The following NAV2 variants were observed in gnomAD, a reference collection of about 807,000 sequenced individuals.
NAV2 encodes the protein neuron navigator 2.
In NAV2, 54 loss-of-function variants were observed where a neutral mutation model predicts 223.2. The observed-to-expected ratio is 0.24, with a 90% CI of 0.19 to 0.30. The LOEUF is 0.30. Among genes scored for constraint, NAV2 ranks in the 10% least tolerant of loss-of-function variants. The pLI, the probability that NAV2 is intolerant of heterozygous loss-of-function variation, is 1.00. For synonymous variants in NAV2, 1,279 were observed against 1,239.3 expected, an observed-to-expected ratio of 1.03 and a Z score of -0.67; for missense variants, 2,806 against 3,147.5, an observed-to-expected ratio of 0.89 and a Z score of 2.60.
chr11:19,760,842 A>G (rs2054679977), intron 1 of NAV2, among the ~76,000 whole-genome samples: 1 of 152,188 alleles, frequency 6.6e-6, no homozygotes. Flanking sequence ...AATCAGCAGC[A>G]CAAGCAATAT....
intron 10 of NAV2, among the ~76,000 whole-genome samples, chr11:19,976,475 C>T (rs1426288809): frequency 6.6e-6 from 1 of 152,148 alleles, no homozygotes; most frequent in African/African-American, 2.4e-5. Context: ...GGCAGGGGGC[C>T]CCTGGGACCT....
At chr11:20,042,938 A>ACTTCGGTCCC (rs1227566390) in intron 12 of NAV2, among the ~76,000 whole-genome samples, 1 of 152,010 alleles carries the variant, frequency 6.6e-6, no homozygotes, top group Non-Finnish European at 1.5e-5. Context: ...TTAACGTCAC[A>ACTTCGGTCCC]CTTCGGTCCC....
chr11:19,776,741 A>C (rs925293831), intron 1 of NAV2, among the ~76,000 whole-genome samples: 1 of 148,508 alleles, frequency 6.7e-6, no homozygotes, highest in African/African-American at 2.5e-5. Flanking sequence ...CTCCAGGGGG[A>C]GGCGGCTCTG....
At position 19,475,554 on chromosome 11, in the gene NAV2, A is replaced by G. The variant is rs190680094; in HGVS notation, c.75+124527A>G. Reference sequence around the variant, plus strand: ...CATTAGCTCAAACCTGGCAATATTTATGTTGAACACTGCTGTTTGTGGAGC... The same window carrying G: ...CATTAGCTCAAACCTGGCAATATTTGTGTTGAACACTGCTGTTTGTGGAGC... On this transcript the variant is annotated intron_variant, in intron 1 of 37. Transcript: ENST00000360655. Among the ~76,000 whole-genome samples the G allele has an allele frequency of 2.4e-3, 369 of 152,288 alleles. 1 individual carries two copies. Among genetic ancestry groups the G allele is most frequent in the African/African-American group, 8.2e-3 (339 of 41,554 alleles).
chr11:19,889,739 C>T (rs1025554807), intron 5 of NAV2, among the ~76,000 whole-genome samples: 2 of 152,204 alleles, frequency 1.3e-5, no homozygotes, highest in Non-Finnish European at 1.5e-5. Context: ...TCCCAAACCA[C>T]GGATGTTTCA....
intron 1 of NAV2, among the ~76,000 whole-genome samples, chr11:19,825,047 C>T (rs1178385684): frequency 1.3e-5 from 2 of 152,060 alleles, no homozygotes; most frequent in African/African-American, 4.8e-5. Context: ...AATCCCAGCA[C>T]TTTGGGAGGC....
rs975527878 is a variant in NAV2 at position 20,097,887 on chromosome 11, T to C, written c.6181+142T>C. ...TCTCCCTTCTACCACAGTTACTCTATGCAAGTTGAACCGTCTTTTGCTTTT... is the reference window on the plus strand; with the variant it reads ...TCTCCCTTCTACCACAGTTACTCTACGCAAGTTGAACCGTCTTTTGCTTTT... On this transcript the variant is annotated intron_variant, in intron 31 of 37. Coordinates refer to ENST00000349880, the MANE Select transcript of NAV2 (RefSeq NM_145117.5). 14 of 697,684 alleles carry C rather than the reference T, an allele frequency of 2.0e-5. No individual in the cohort carries two copies. In the Admixed American group the frequency reaches 3.7e-4, roughly 19 times the overall value. 43.2% of individuals were successfully genotyped at this position (697,684 alleles called of 1,614,324 possible).
intron 11 of NAV2, among the ~76,000 whole-genome samples, chr11:19,999,888 C>G (rs1029650754): frequency 6.6e-6 from 1 of 152,152 alleles, no homozygotes. Context: ...GATCAGAATG[C>G]TGATTTCACA....
At chr11:19,868,807 T>C (rs926344866) in intron 3 of NAV2, 118 bp from the exon 4 acceptor site, 2 of 870,704 alleles carry the variant, frequency 2.3e-6, no homozygotes, top group Admixed American at 2.2e-5. Context: ...GTGTCCTATC[T>C]TGGCGTTCGT....
chr11:19,719,110 G>A (rs12286036), intron 1 of NAV2, among the ~76,000 whole-genome samples: 10,964 of 152,144 alleles, frequency 0.072, 1,157 homozygotes, highest in African/African-American at 0.24. Context: ...GGCCCCAGTG[G>A]AACTCTTGGA....
chr11:20,097,640 T>A lies in NAV2; in HGVS notation c.6076T>A (p.Tyr2026Asn). 6.2e-7 allele frequency: 1 copy of A among 1,613,682 alleles called. No homozygotes were observed. The highest frequency in any genetic ancestry group is 8.5e-7 in the Non-Finnish European group (1 of 1,179,926). The change falls in exon 31 of 38, where the codon TAC (tyrosine) becomes AAC (asparagine). Residue 2026 changes from tyrosine (Y) to asparagine (N), a missense_variant. Physicochemically the swap from Tyr to Asn is moderately radical, Grantham distance 143. This residue lies in a region of NAV2 where 824 missense variants were observed against 1,069.4 expected (regional missense o/e 0.77). Transcript: ENST00000349880. Reference sequence around the variant, plus strand: ...GCTGAATTCAGACAGCGTTCTTGGCTACAGCATTGGAGAAATCAAGCGCAG... The same window carrying A: ...GCTGAATTCAGACAGCGTTCTTGGCAACAGCATTGGAGAAATCAAGCGCAG... ...LGLNSDSVLG[Y>N]SIGEIKRSNT...
intron 1 of NAV2, among the ~76,000 whole-genome samples, chr11:19,527,300 C>A (rs182628864): frequency 2.3e-4 from 35 of 152,226 alleles, no homozygotes; most frequent in East Asian, 1.2e-3. Context: ...TAAGATGTAC[C>A]TTTTGCCTTC....
chr11:19,686,822 G>C (rs2049036956), intron 1 of NAV2, among the ~76,000 whole-genome samples: 1 of 152,162 alleles, frequency 6.6e-6, no homozygotes, highest in Non-Finnish European at 1.5e-5. Flanking sequence ...ATGGGGGTTG[G>C]ACTCAATTAT....
intron 1 of NAV2, among the ~76,000 whole-genome samples, chr11:19,611,171 A>T (rs183014521): frequency 1.3e-5 from 2 of 151,874 alleles, no homozygotes; most frequent in East Asian, 3.9e-4. Flanking sequence ...ATCTCGTGAG[A>T]CTTATTCACT....
chr11:19,835,519 C>T (rs2060179682), intron 2 of NAV2, among the ~76,000 whole-genome samples: 1 of 152,128 alleles, frequency 6.6e-6, no homozygotes, highest in African/African-American at 2.4e-5. Context: ...CTTATGAACA[C>T]AGGTCTCTTG....
intron 1 of NAV2, among the ~76,000 whole-genome samples, chr11:19,523,935 A>C (rs954736498): frequency 1.3e-5 from 2 of 152,114 alleles, no homozygotes; most frequent in African/African-American, 4.8e-5. Flanking sequence ...TTCCCTGGGT[A>C]GCTTCTGGTC....
Position 20,097,507 on chromosome 11 carries a change from G to A in NAV2, c.6013-70G>A, listed in dbSNP as rs568200521. 9 of 1,231,114 alleles carry A rather than the reference G, an allele frequency of 7.3e-6. No homozygotes were observed. The African/African-American group carries it at 1.4e-4, about 19-fold the overall frequency. 76.3% of individuals were successfully genotyped at this position (1,231,114 alleles called of 1,614,324 possible). On this transcript the variant is annotated intron_variant, in intron 30 of 37. Coordinates refer to ENST00000349880, the MANE Select transcript of NAV2 (RefSeq NM_145117.5). Reference sequence around the variant, plus strand: ...AGAGAATATGATCATAAATCACCCAGGGAAAACATGAGTCATGGGCAGATT... The same window carrying A: ...AGAGAATATGATCATAAATCACCCAAGGAAAACATGAGTCATGGGCAGATT...
chr11:19,709,989 A>G (rs1590128436), upstream of NAV2, among the ~76,000 whole-genome samples: 1 of 152,328 alleles, frequency 6.6e-6, no homozygotes, highest in East Asian at 1.9e-4. Flanking sequence ...GGAAATGCTC[A>G]TGTTTACCAA....
chr11:19,619,690 T>C (rs2046923556), intron 1 of NAV2, among the ~76,000 whole-genome samples: 2 of 152,218 alleles, frequency 1.3e-5, no homozygotes, highest in Non-Finnish European at 2.9e-5. Flanking sequence ...ATTGCAAAAA[T>C]GTTCTCCCAT....
Sources: allele counts gnomAD v4.1 joint callset (sites outside exome capture counted in the v4.1 genomes callset), GRCh38; gene constraint gnomAD v4.1.1; regional missense constraint gnomAD v4.1.1; transcripts MANE v1.5; gene names NCBI Gene and HGNC (gene_info 2026-07-23, HGNC 2026-07-21).